Variants in CHRM3 observed in about 807,000 individuals in gnomAD.
CHRM3 encodes the protein cholinergic receptor muscarinic 3, also known as muscarinic acetylcholine receptor M3.
A neutral mutation model predicts 41.8 loss-of-function variants in CHRM3; 11 were observed. That is an observed-to-expected ratio of 0.26 (90% CI 0.17 to 0.44). The LOEUF is 0.44. Among genes scored for constraint, CHRM3 ranks in the 20% least tolerant of loss-of-function variants. The probability of loss-of-function intolerance (pLI) is 1.00; values close to 1 mark genes in which losing one functional copy is unlikely to be tolerated. For synonymous variants in CHRM3, 297 were observed against 301.4 expected, an observed-to-expected ratio of 0.99 and a Z score of 0.15; for missense variants, 571 against 745.4, an observed-to-expected ratio of 0.77 and a Z score of 2.72.
chr1:239,603,201 G>C (rs1188935300), intron 3 of CHRM3, among the ~76,000 whole-genome samples: 1 of 152,088 alleles, frequency 6.6e-6, no homozygotes, highest in Non-Finnish European at 1.5e-5. Context: ...ATCACAATAG[G>C]ATAATAGGTT....
intron 1 of CHRM3, among the ~76,000 whole-genome samples, chr1:239,424,054 C>CAAAA (rs772980892): frequency 1.3e-5 from 1 of 78,908 alleles, no homozygotes; most frequent in African/African-American, 4.7e-5. Context: ...GACTCTGTCT[C>CAAAA]AAAAAAAAAA....
intron 3 of CHRM3, among the ~76,000 whole-genome samples, chr1:239,622,703 G>C (rs1316339443): frequency 6.6e-6 from 1 of 152,176 alleles, no homozygotes; most frequent in Non-Finnish European, 1.5e-5. Flanking sequence ...TGGTTTTCTT[G>C]AGATGGAATT....
At chr1:239,698,067 C>T (rs1660359801) in intron 5 of CHRM3, among the ~76,000 whole-genome samples, 1 of 152,102 alleles carries the variant, frequency 6.6e-6, no homozygotes, top group Admixed American at 6.5e-5. Context: ...ATTATTCATA[C>T]ACAGGAGCAA....
At chr1:239,751,508 G>T (rs1008485560) in intron 5 of CHRM3, among the ~76,000 whole-genome samples, 1 of 152,160 alleles carries the variant, frequency 6.6e-6, no homozygotes, top group East Asian at 1.9e-4. Flanking sequence ...ATACTGATAA[G>T]AACAAATGCC....
At chr1:239,420,752 C>T (rs1277512577) in intron 1 of CHRM3, among the ~76,000 whole-genome samples, 1 of 152,038 alleles carries the variant, frequency 6.6e-6, no homozygotes, top group Non-Finnish European at 1.5e-5. Flanking sequence ...AAGTTTTATG[C>T]TGATGGTTAG....
intron 6 of CHRM3, among the ~76,000 whole-genome samples, chr1:239,906,879 CA>C (rs1358199007): frequency 6.6e-6 from 1 of 152,130 alleles, no homozygotes; most frequent in Non-Finnish European, 1.5e-5. Flanking sequence ...GATCCTGTCT[CA>C]AAGAGGCAAT....
In CHRM3 at chr1:239,911,957, TC is replaced by T. The variant is rs903060078; in HGVS notation, c.*2734del. The stretch of plus-strand genomic sequence containing the variant: ...ACACGTGCATTTCTCAAAGGGCTTG[TC>T]ATTACAGGAGATATTCAGCACTTAC... On this transcript the variant is annotated 3_prime_UTR_variant, in exon 7 of 7. Transcript: ENST00000676153. The T allele has an allele frequency of 1.8e-5, 3 of 167,094 alleles. No individual in the cohort carries two copies. The highest frequency in any genetic ancestry group is 4.4e-5 in the Non-Finnish European group (3 of 68,124). 10.4% of individuals were successfully genotyped at this position (167,094 alleles called of 1,614,324 possible). A position where few individuals can be genotyped will look rare whatever the true frequency, so the allele number is the denominator to read the frequency against.
intron 6 of CHRM3, among the ~76,000 whole-genome samples, chr1:239,856,369 T>C (rs1396438471): frequency 1.3e-5 from 2 of 152,166 alleles, no homozygotes; most frequent in Admixed American, 6.5e-5. Context: ...CCCCTAGTGC[T>C]GTCTCATGAG....
At chr1:239,716,574 G>T (rs1662390240) in intron 5 of CHRM3, among the ~76,000 whole-genome samples, 1 of 152,078 alleles carries the variant, frequency 6.6e-6, no homozygotes, top group South Asian at 2.1e-4. Context: ...AGGGAGAAAT[G>T]ATGTTTACAG....
chr1:239,817,598 C>A (rs923033842), intron 5 of CHRM3, among the ~76,000 whole-genome samples: 2 of 151,912 alleles, frequency 1.3e-5, no homozygotes, highest in Non-Finnish European at 2.9e-5. Flanking sequence ...AGCCTCCACC[C>A]CCACCCACCT....
At chr1:239,883,957 CAAAGGGAAT>C (rs1677855431) in intron 6 of CHRM3, among the ~76,000 whole-genome samples, 1 of 152,066 alleles carries the variant, frequency 6.6e-6, no homozygotes, top group South Asian at 2.1e-4. Flanking sequence ...CCTAGAGTTC[CAAAGGGAAT>C]ATATTTATCG....
chr1:239,885,318 C>T (rs1310844859), intron 6 of CHRM3, among the ~76,000 whole-genome samples: 1 of 152,022 alleles, frequency 6.6e-6, no homozygotes. Flanking sequence ...TGGGCCTCAC[C>T]CTCTGAGTTT....
intron 1 of CHRM3, among the ~76,000 whole-genome samples, chr1:239,445,736 G>C (rs1420631744): frequency 6.6e-6 from 1 of 152,104 alleles, no homozygotes; most frequent in African/African-American, 2.4e-5. Flanking sequence ...AATAGTATTA[G>C]CTCTTATTAT....
intron 5 of CHRM3, among the ~76,000 whole-genome samples, chr1:239,818,382 A>G (rs1671766617): frequency 6.6e-6 from 1 of 152,164 alleles, no homozygotes; most frequent in Non-Finnish European, 1.5e-5. Flanking sequence ...AAAAAACACA[A>G]TTCAGTCCAT....
At chr1:239,685,243 C>T (rs1659020052) in intron 5 of CHRM3, among the ~76,000 whole-genome samples, 2 of 152,168 alleles carry the variant, frequency 1.3e-5, no homozygotes, top group Admixed American at 1.3e-4. Context: ...TTTAAATTCT[C>T]TGAGCTTCAG....
chr1:239,428,930 A>G (rs893585500), intron 1 of CHRM3, among the ~76,000 whole-genome samples: 10 of 152,206 alleles, frequency 6.6e-5, no homozygotes, highest in African/African-American at 2.4e-4. Context: ...GAGCCTGTGC[A>G]GAAGATGCAA....
chr1:239,772,366 G>C (rs957093508), intron 5 of CHRM3, among the ~76,000 whole-genome samples: 1 of 152,110 alleles, frequency 6.6e-6, no homozygotes, highest in African/African-American at 2.4e-5. Context: ...GCCCAGGCTG[G>C]TCTCGAACTC....
At chr1:239,602,015 A>C (rs1444640189) in intron 3 of CHRM3, among the ~76,000 whole-genome samples, 1 of 150,882 alleles carries the variant, frequency 6.6e-6, no homozygotes, top group South Asian at 2.1e-4. Flanking sequence ...TCTGACTTTA[A>C]AATTATATCT....
chr1:239,573,441 T>C (rs1435489763), intron 3 of CHRM3, among the ~76,000 whole-genome samples: 1 of 152,094 alleles, frequency 6.6e-6, no homozygotes, highest in East Asian at 1.9e-4. Context: ...TGGAATGTCA[T>C]GGGAAATTCT....
Sources: allele counts gnomAD v4.1 joint callset (sites outside exome capture counted in the v4.1 genomes callset), GRCh38; gene constraint gnomAD v4.1.1; transcripts MANE v1.5; gene names NCBI Gene and HGNC (gene_info 2026-07-23, HGNC 2026-07-21).